The following TMEM129 variants were observed in gnomAD, a reference collection of about 807,000 sequenced individuals.
The protein encoded by TMEM129 is transmembrane protein 129, E3 ubiquitin ligase.
Under a neutral mutation model 34.1 loss-of-function variants are expected in TMEM129, and 35 were observed. That is an observed-to-expected ratio of 1.03 (90% CI 0.78 to 1.36). The LOEUF is 1.36. Ranked by LOEUF, TMEM129 falls within the 40% of genes most tolerant of loss-of-function variation. TMEM129 has a pLI of 0.00. For missense variants in TMEM129, 504 were observed against 512.6 expected (o/e 0.98, Z 0.16); for synonymous variants, 239 against 217.3 (o/e 1.10, Z -0.88).
chr4:1,717,072 T>A lies in TMEM129; in HGVS notation c.*108A>T. 1 of 1,312,606 alleles carries A rather than the reference T, an allele frequency of 7.6e-7. No homozygotes were observed. The highest frequency in any genetic ancestry group is 2.9e-5 in the East Asian group (1 of 34,742). 81.3% of individuals were successfully genotyped at this position (1,312,606 alleles called of 1,614,324 possible). ...CAGGGCAGAGGCGAGTTGCTCTACA[T>A]CATGTGCTTTAAGTAGAGCCCTTTG... On this transcript the variant is annotated 3_prime_UTR_variant, in exon 4 of 4. Coordinates refer to ENST00000382936, the MANE Select transcript of TMEM129 (RefSeq NM_001127266.2).
Position 1,717,594 on chromosome 4 carries a change from C to G in TMEM129, c.762G>C (p.Gln254His), listed in dbSNP as rs1265674834. 55 of 1,549,968 alleles carry G rather than the reference C, an allele frequency of 3.5e-5. No individual in the cohort carries two copies. Among genetic ancestry groups the G allele is most frequent in the Non-Finnish European group, 4.7e-5 (54 of 1,146,446 alleles). Residue 254 changes from glutamine to histidine, a missense_variant, in exon 3 of 4, where the codon CAG becomes CAC. Coordinates refer to ENST00000382936, the MANE Select transcript of TMEM129 (RefSeq NM_001127266.2). ...IRRAAHVVIH[Q>H]SLGDLFLETF... ...TCTCCAGGAACAGGTCGCCCAGGCT[C>G]TGGTGGATGACCACATGGGCTGCCC...
At position 1,721,302 on chromosome 4, in the gene TMEM129, G is replaced by A. The variant is rs1717329928; in HGVS notation, c.-465C>T. The stretch of plus-strand genomic sequence containing the variant: ...CTCGAAATTCATGGGGCGACTGCGA[G>A]CCCGGGGTCTCAGCTTCAGACACCC... On this transcript the variant is annotated 5_prime_UTR_variant, in exon 1 of 4. Coordinates refer to ENST00000382936, the MANE Select transcript of TMEM129 (RefSeq NM_001127266.2). 1.4e-5 allele frequency: 2 copies of A among 146,184 alleles called. No individual in the cohort carries two copies. Among genetic ancestry groups the A allele is most frequent in the African/African-American group, 5.0e-5 (2 of 39,788 alleles). 9.1% of individuals were successfully genotyped at this position (146,184 alleles called of 1,614,324 possible).
chr4:1,718,905 A>G, intron 1 of TMEM129: 1 of 1,281,078 alleles, frequency 7.8e-7, no homozygotes, highest in Non-Finnish European at 1.0e-6. Flanking sequence ...AATAAACACA[A>G]TCAGGTGTCA....
At chr4:1,717,955 CA>C (rs1233557218) in intron 2 of TMEM129, 196 bp downstream of exon 2, 2 of 674,390 alleles carry the variant, frequency 3.0e-6, no homozygotes, top group African/African-American at 1.8e-5. Context: ...GCCAAGAGTG[CA>C]GGGGGACCCG....
chr4:1,717,793 C>T lies in TMEM129; in HGVS notation c.681-118G>A, dbSNP rs552967506. The T allele has an allele frequency of 1.1e-5, 15 of 1,367,560 alleles. No homozygotes were observed. The African/African-American group carries it at 1.9e-4, about 17-fold the overall frequency. 84.7% of individuals were successfully genotyped at this position (1,367,560 alleles called of 1,614,324 possible). A position where few individuals can be genotyped will look rare whatever the true frequency, so the allele number is the denominator to read the frequency against. ...CCAGGACCAACCAGGAGAGATGGCC[C>T]TAAGGCCAGAGCCCACGGACCCAGT... On this transcript the variant is annotated intron_variant, in intron 2 of 3. Transcript: ENST00000382936.
intron 1 of TMEM129, among the ~76,000 whole-genome samples, chr4:1,719,514 G>C (rs911485879): frequency 6.6e-6 from 1 of 152,248 alleles, no homozygotes; most frequent in East Asian, 1.9e-4. Flanking sequence ...GCGAGGCTCC[G>C]TCTCAAAAAG....
intron 1 of TMEM129, among the ~76,000 whole-genome samples, chr4:1,719,589 AAAAT>A (rs1284070726): frequency 6.6e-6 from 1 of 152,270 alleles, no homozygotes; most frequent in Non-Finnish European, 1.5e-5. Context: ...AACTAAGTTA[AAAAT>A]AAAAAGAGCT....
chr4:1,720,863 G>T lies in TMEM129; in HGVS notation c.-26C>A. ...CGCGCAGCCGCCGGGAAGCTGTCGA[G>T]CTAGGCCCCCGCCCCGGCGCGCGGA... On this transcript the variant is annotated 5_prime_UTR_variant, in exon 1 of 4. Coordinates refer to ENST00000382936, the MANE Select transcript of TMEM129 (RefSeq NM_001127266.2). The surrounding 1 kb of genome is among the most constrained non-coding windows in gnomAD (Gnocchi z 4.4). 1 of 1,552,618 alleles carries T rather than the reference G, an allele frequency of 6.4e-7. No homozygotes were observed. Among genetic ancestry groups the T allele is most frequent in the Non-Finnish European group, 8.7e-7 (1 of 1,149,070 alleles).
chr4:1,718,961 C>T, intron 1 of TMEM129: 1 of 1,251,592 alleles, frequency 8.0e-7, no homozygotes, highest in Non-Finnish European at 1.0e-6. Context: ...GCTGCCTGGA[C>T]AGGATCTCAG....
At chr4:1,718,125 G>A (rs755537092) in intron 2 of TMEM129, 27 bp downstream of exon 2, 25 of 1,511,024 alleles carry the variant, frequency 1.7e-5, no homozygotes, top group East Asian at 9.9e-5. Context: ...TGTGCCCTCC[G>A]CAGCCCCACA....
intron 2 of TMEM129, 114 bp downstream of exon 2, chr4:1,718,038 G>A: frequency 1.0e-6 from 1 of 987,304 alleles, no homozygotes. Flanking sequence ...CACAAGCCCA[G>A]GAGTGTTGGA....
chr4:1,717,304 C>A lies in TMEM129; in HGVS notation c.965G>T (p.Cys322Phe). 6.5e-7 allele frequency: 1 copy of A among 1,534,350 alleles called. No homozygotes were observed. The highest frequency in any genetic ancestry group is 1.2e-5 in the South Asian group (1 of 83,664). ...GCGGCTGGCGAACCACTTGCCCATG[C>A]AGGTGAGGCACCACATGGGGCGGCA... The part of the protein sequence containing the change: ...CYCRPMWCLT[C>F]MGKWFASRQD... Residue 322 changes from cysteine (C) to phenylalanine (F), a missense_variant, in exon 4 of 4, where the codon TGC becomes TTC. Cys to Phe is a radical substitution (Grantham distance 205). Coordinates refer to ENST00000382936, the MANE Select transcript of TMEM129 (RefSeq NM_001127266.2).
chr4:1,716,236 T>C lies in TMEM129; in HGVS notation c.*944A>G, dbSNP rs1716952330. 6.6e-6 allele frequency: 1 copy of C among 152,228 alleles called. No homozygotes were observed. The highest frequency in any genetic ancestry group is 1.5e-5 in the Non-Finnish European group (1 of 68,102). 9.4% of individuals were successfully genotyped at this position (152,228 alleles called of 1,614,324 possible). A position where few individuals can be genotyped will look rare whatever the true frequency, so the allele number is the denominator to read the frequency against. ...AGCCCAGGGGCTTTGGGGCCGCAGG[T>C]ATGAAGGCCCCTCCAGTAGCCACAC... is the stretch of plus-strand genomic sequence containing the variant. On this transcript the variant is annotated 3_prime_UTR_variant, in exon 4 of 4. Coordinates refer to ENST00000382936, the MANE Select transcript of TMEM129 (RefSeq NM_001127266.2).
chr4:1,718,730 C>T (rs914345502), intron 1 of TMEM129, 104 bp from the exon 2 acceptor site: 3 of 1,421,714 alleles, frequency 2.1e-6, no homozygotes, highest in Middle Eastern at 2.6e-4. Context: ...AGGGTCAGCT[C>T]CCAGGGTAAT....
At chr4:1,719,914 C>T (rs1471713374) in intron 1 of TMEM129, among the ~76,000 whole-genome samples, 1 of 152,198 alleles carries the variant, frequency 6.6e-6, no homozygotes, top group African/African-American at 2.4e-5. Context: ...CCTCTTGTAT[C>T]CCCAGAGTGG....
rs1430312330 is a variant in TMEM129, at chr4:1,716,701, C to T, written c.*479G>A. On this transcript the variant is annotated 3_prime_UTR_variant, in exon 4 of 4. Coordinates refer to ENST00000382936, the MANE Select transcript of TMEM129 (RefSeq NM_001127266.2). ...CCACAGCAGTGCCCTCTTCTCCATC[C>T]CACCCTCAGGACCTACCCAGGGTCC... is the stretch of plus-strand genomic sequence containing the variant. 1 of 156,872 alleles carries T rather than the reference C, an allele frequency of 6.4e-6. No individual in the cohort carries two copies. Among genetic ancestry groups the T allele is most frequent in the African/African-American group, 2.4e-5 (1 of 41,582 alleles). 9.7% of individuals were successfully genotyped at this position (156,872 alleles called of 1,614,324 possible). A position where few individuals can be genotyped will look rare whatever the true frequency, so the allele number is the denominator to read the frequency against.
rs548907033 is a variant in TMEM129 at position 1,717,779 on chromosome 4, C to G, written c.681-104G>C. 52 of 1,406,526 alleles carry G rather than the reference C, an allele frequency of 3.7e-5. No individual in the cohort carries two copies. In the African/African-American group the frequency reaches 6.5e-4, roughly 18 times the overall value. 87.1% of individuals were successfully genotyped at this position (1,406,526 alleles called of 1,614,324 possible). A position where few individuals can be genotyped will look rare whatever the true frequency, so the allele number is the denominator to read the frequency against. On this transcript the variant is annotated intron_variant, in intron 2 of 3. Coordinates refer to ENST00000382936, the MANE Select transcript of TMEM129 (RefSeq NM_001127266.2). The stretch of plus-strand genomic sequence containing the variant: ...GGGCAGCTGTCGCACCAGGACCAAC[C>G]AGGAGAGATGGCCCTAAGGCCAGAG...
chr4:1,717,455 A>T, intron 3 of TMEM129, 27 bp from the exon 4 acceptor site: 1 of 1,502,640 alleles, frequency 6.7e-7, no homozygotes, highest in South Asian at 1.3e-5. Flanking sequence ...CGTCACCAGG[A>T]GCCCAGGCAG....
rs773178510 is a variant in TMEM129, at chr4:1,717,252, C to A, written c.1017G>T (p.Trp339Cys). Residue 339 changes from tryptophan to cysteine, a missense_variant, in exon 4 of 4, where the codon TGG (tryptophan) becomes TGT (cysteine). Transcript: ENST00000382936. The part of the protein sequence containing the change: ...SRQDPLRPDT[W>C]LASRVPCPTC... ...TGGGGCAGGGCACGCGGCTGGCCAG[C>A]CAGGTGTCAGGGCGCAGGGGGTCCT... The A allele has an allele frequency of 2.7e-5, 41 of 1,520,060 alleles. No homozygotes were observed. The highest frequency in any genetic ancestry group is 8.0e-6 in the Non-Finnish European group (9 of 1,128,586). The allele number at this position is 1,520,060 out of a possible 1,614,324, so 94.2% of individuals were successfully genotyped here.
Sources: allele counts gnomAD v4.1 joint callset (sites outside exome capture counted in the v4.1 genomes callset), GRCh38; gene constraint gnomAD v4.1.1; non-coding constraint Gnocchi (gnomAD v3.1); transcripts MANE v1.5; gene names NCBI Gene and HGNC (gene_info 2026-07-23, HGNC 2026-07-21).